The following ANKS1A variants were observed in gnomAD, a reference collection of about 807,000 sequenced individuals.
The protein encoded by ANKS1A is ankyrin repeat and sterile alpha motif domain containing 1A, also known as ankyrin repeat and SAM domain-containing protein 1A.
A neutral mutation model predicts 120.3 loss-of-function variants in ANKS1A; 55 were observed. The ratio of observed to expected loss-of-function variants is 0.46; its 90% CI spans 0.37 to 0.57. The LOEUF (loss-of-function observed/expected upper bound fraction) is 0.57, where lower values mean the gene tolerates loss of function less well. Among genes scored for constraint, ANKS1A ranks in the 20% least tolerant of loss-of-function variants. ANKS1A has a pLI of 0.00. For synonymous variants in ANKS1A, 590 were observed against 604.7 expected, an observed-to-expected ratio of 0.98 and a Z score of 0.36; for missense variants, 1,123 against 1,480.3, an observed-to-expected ratio of 0.76 and a Z score of 3.96.
chr6:35,068,451 C>T (rs1776895366), intron 13 of ANKS1A, among the ~76,000 whole-genome samples: 1 of 152,126 alleles, frequency 6.6e-6, no homozygotes, highest in Non-Finnish European at 1.5e-5. Context: ...AGCTCCTCTC[C>T]CAGAATAGGC....
chr6:34,994,333 G>A lies in ANKS1A; in HGVS notation c.1334G>A (p.Ser445Asn), dbSNP rs1186888529. ...TCCATGAGACCTAGGATTCATGGGA[G>A]TGCAGCCCGGGAAGAAGACGAACAC... ...VLSMRPRIHGSAAREEDEHPY... is the reference protein window; with the variant it reads ...VLSMRPRIHGNAAREEDEHPY... Residue 445 changes from serine to asparagine, a missense_variant, in exon 10 of 24, where the codon AGT becomes AAT. Ser to Asn is a conservative substitution (Grantham distance 46). Coordinates refer to ENST00000360359, the MANE Select transcript of ANKS1A (RefSeq NM_015245.3). The A allele has an allele frequency of 2.5e-6, 4 of 1,613,728 alleles. No homozygotes were observed. Among genetic ancestry groups the A allele is most frequent in the South Asian group, 2.2e-5 (2 of 91,088 alleles).
chr6:34,889,526 G>T lies in ANKS1A; in HGVS notation c.124G>T (p.Gly42Cys). Residue 42 changes from glycine to cysteine, a missense_variant, in exon 1 of 24, where the codon GGC (glycine) becomes TGC (cysteine). Physicochemically the swap from Gly to Cys is radical, Grantham distance 159 (BLOSUM62 -3). Around this residue, in one of 3 missense-constraint regions of ANKS1A, gnomAD observed 73 missense variants for 82.2 expected, o/e 0.89. Coordinates refer to ENST00000360359, the MANE Select transcript of ANKS1A (RefSeq NM_015245.3). This position sits in a 1 kb window ranked among gnomAD's most constrained non-coding sequence, Gnocchi z 5.5. ...GGGCGGCGGCGGCGGTGGCTCTGGG[G>T]GCGGCGGCGGCGGCAGCGGCGGCGG... ...FGGGGGGGSG[G>C]GGGGSGGGGG... The T allele has an allele frequency of 8.0e-7, 1 of 1,242,874 alleles. No homozygotes were observed. The highest frequency in any genetic ancestry group is 9.9e-7 in the Non-Finnish European group (1 of 1,010,668). The allele number at this position is 1,242,874 out of a possible 1,614,324, so 77.0% of individuals were successfully genotyped here.
intron 10 of ANKS1A, among the ~76,000 whole-genome samples, chr6:35,011,543 A>G (rs1319013842): frequency 6.6e-6 from 1 of 152,202 alleles, no homozygotes; most frequent in Non-Finnish European, 1.5e-5. Flanking sequence ...AACAGTCCGA[A>G]GTCCCAAAGC....
Position 35,078,566 on chromosome 6 carries a change from T to C in ANKS1A, c.2193T>C (p.Asn731=). ...GFDDVHFLGS[N]VMEEQDLRDI... is the part of the protein sequence containing the mutation. ...CACCTTTCTGCTCTCAGGGGTCTAA[T>C]GTGATGGAAGAGCAGGACCTGCGGG... The change falls in exon 14 of 24, where the codon AAT becomes AAC. Residue 731 remains asparagine (N), a synonymous_variant. Coordinates refer to ENST00000360359, the MANE Select transcript of ANKS1A (RefSeq NM_015245.3). 8 of 1,611,100 alleles carry C rather than the reference T, an allele frequency of 5.0e-6. No homozygotes were observed. The highest frequency in any genetic ancestry group is 6.8e-6 in the Non-Finnish European group (8 of 1,179,898).
chr6:35,048,792 G>A (rs187774294), intron 11 of ANKS1A, among the ~76,000 whole-genome samples: 116 of 152,328 alleles, frequency 7.6e-4, no homozygotes, highest in Non-Finnish European at 1.1e-3. Flanking sequence ...AACTGATTTT[G>A]ACGTCAGCAG....
intron 3 of ANKS1A, among the ~76,000 whole-genome samples, chr6:34,973,902 CCCCTTCCCCTT>C (rs1444725671): frequency 0.052 from 2,339 of 44,572 alleles, 146 homozygotes; most frequent in East Asian, 0.3. Context: ...CCCTTCCCTT[CCCCTTCCCCTT>C]CCCTTCCCCT....
chr6:34,925,482 C>T (rs182067325), intron 1 of ANKS1A, among the ~76,000 whole-genome samples: 46 of 152,058 alleles, frequency 3.0e-4, no homozygotes, highest in African/African-American at 1.1e-3. Context: ...CTGTTGGACC[C>T]GGGGTAAGTG....
At chr6:35,017,318 T>A (rs1246323533) in intron 10 of ANKS1A, among the ~76,000 whole-genome samples, 155 bp from the exon 11 acceptor site, 1 of 152,200 alleles carries the variant, frequency 6.6e-6, no homozygotes, top group Non-Finnish European at 1.5e-5. Context: ...CCTTCCTCTC[T>A]CTTCTTCTCT....
intron 8 of ANKS1A, among the ~76,000 whole-genome samples, chr6:34,988,513 A>G (rs1036678806): frequency 7.2e-5 from 11 of 152,144 alleles, no homozygotes; most frequent in African/African-American, 1.7e-4. Flanking sequence ...GGAGAATGGC[A>G]TGAACCTGGG....
At chr6:34,943,737 C>T (rs909909362) in intron 1 of ANKS1A, among the ~76,000 whole-genome samples, 2 of 152,142 alleles carry the variant, frequency 1.3e-5, no homozygotes, top group African/African-American at 2.4e-5. Context: ...TAAGATTTCT[C>T]GAAGTCTTTT....
At chr6:34,903,641 G>A (rs1767481926) in intron 1 of ANKS1A, among the ~76,000 whole-genome samples, 1 of 152,082 alleles carries the variant, frequency 6.6e-6, no homozygotes, top group Admixed American at 6.6e-5. Context: ...GGGACTACAG[G>A]CACGTGCCCT....
Position 35,017,455 on chromosome 6 carries a change from C to A in ANKS1A, c.1424-18C>A. 1 of 1,568,366 alleles carries A rather than the reference C, an allele frequency of 6.4e-7. No individual in the cohort carries two copies. Among genetic ancestry groups the A allele is most frequent in the Non-Finnish European group, 8.6e-7 (1 of 1,156,846 alleles). ...CACGTTTAATTTTTTATTTCTCTGTCTCTCCGTCCACTCCAAGACCACAGG... is the reference window on the plus strand; with the variant it reads ...CACGTTTAATTTTTTATTTCTCTGTATCTCCGTCCACTCCAAGACCACAGG... On this transcript the variant is annotated intron_variant, in intron 10 of 23. Coordinates refer to ENST00000360359, the MANE Select transcript of ANKS1A (RefSeq NM_015245.3).
At chr6:34,945,941 T>C (rs1015191934) in intron 1 of ANKS1A, among the ~76,000 whole-genome samples, 43 of 151,550 alleles carry the variant, frequency 2.8e-4, no homozygotes, top group African/African-American at 9.7e-4. Context: ...GTAATTTGTG[T>C]CTTCTCTCTG....
chr6:34,919,219 A>G (rs1245459385), intron 1 of ANKS1A, among the ~76,000 whole-genome samples: 1 of 152,214 alleles, frequency 6.6e-6, no homozygotes, highest in East Asian at 1.9e-4. Flanking sequence ...CAATGTTTGT[A>G]GTTCAAAAAG....
At chr6:35,039,353 A>G (rs1201660155) in intron 11 of ANKS1A, among the ~76,000 whole-genome samples, 1 of 151,406 alleles carries the variant, frequency 6.6e-6, no homozygotes, top group Non-Finnish European at 1.5e-5. Flanking sequence ...ATGCGCCACC[A>G]CACCTGGCTG....
At position 35,090,053 on chromosome 6, in the gene ANKS1A, G is replaced by GTGTC; in HGVS notation, c.*1446_*1449dup. On this transcript the variant is annotated 3_prime_UTR_variant, in exon 24 of 24. Transcript: ENST00000360359. ...TTGGCCAGAAATCAGAAGTGGGGCT[G>GTGTC]TGTCTCTGACTGGCTAGAGGCCAGG... 1 of 1,250,756 alleles carries GTGTC rather than the reference G, an allele frequency of 8.0e-7. No homozygotes were observed. The highest frequency in any genetic ancestry group is 1.3e-5 in the South Asian group (1 of 74,740). 77.5% of individuals were successfully genotyped at this position (1,250,756 alleles called of 1,614,324 possible).
At position 35,070,963 on chromosome 6, in the gene ANKS1A, C is replaced by G. The variant is rs537399877; in HGVS notation, c.2185-7595C>G. 247 of 594,246 alleles carry G rather than the reference C, an allele frequency of 4.2e-4. 4 individuals carry two copies. Among genetic ancestry groups the G allele is most frequent in the South Asian group, 3.5e-3 (244 of 70,412 alleles). 36.8% of individuals were successfully genotyped at this position (594,246 alleles called of 1,614,324 possible). ...CTACACAACTGCAACCAACCACTTT[C>G]CAGGGTTTCCCCTCTCTGTCTATTT... On this transcript the variant is annotated intron_variant, in intron 13 of 23. Transcript: ENST00000360359.
At chr6:34,937,447 AC>A (rs1346044638) in intron 1 of ANKS1A, among the ~76,000 whole-genome samples, 2 of 152,078 alleles carry the variant, frequency 1.3e-5, no homozygotes, top group African/African-American at 4.8e-5. Flanking sequence ...GATAATAAGT[AC>A]CTATTTCACA....
chr6:35,023,102 T>C (rs1774428508), intron 11 of ANKS1A, among the ~76,000 whole-genome samples: 1 of 152,206 alleles, frequency 6.6e-6, no homozygotes, highest in East Asian at 1.9e-4. Flanking sequence ...GTCCCTCTAC[T>C]GAAAGCCACC....
Sources: allele counts gnomAD v4.1 joint callset (sites outside exome capture counted in the v4.1 genomes callset), GRCh38; gene constraint gnomAD v4.1.1; regional missense constraint gnomAD v4.1.1; non-coding constraint Gnocchi (gnomAD v3.1); transcripts MANE v1.5; gene names NCBI Gene and HGNC (gene_info 2026-07-23, HGNC 2026-07-21).